Variants in SLC24A2 observed in about 807,000 individuals in gnomAD.
SLC24A2 encodes the protein sodium/potassium/calcium exchanger 2.
Under a neutral mutation model 62.0 loss-of-function variants are expected in SLC24A2, and 36 were observed. That is an observed-to-expected ratio of 0.58 (90% CI 0.44 to 0.77). The LOEUF (loss-of-function observed/expected upper bound fraction) is 0.77. SLC24A2 is among the 30% of genes least tolerant of loss of function. The pLI, the probability that SLC24A2 is intolerant of heterozygous loss-of-function variation, is 0.00. For missense variants in SLC24A2, 846 were observed against 817.9 expected, an observed-to-expected ratio of 1.03 and a Z score of -0.42; for synonymous variants, 358 against 294.0, an observed-to-expected ratio of 1.22 and a Z score of -2.23.
chr9:20,103,865 T>C, the SLC24A2 span, among the ~76,000 whole-genome samples: 16,497 of 151,286 alleles, frequency 0.11, 946 homozygotes, highest in Middle Eastern at 0.17. Context: ...CTTTGACGAG[T>C]TGAGAGAAGA....
chr9:19,944,435 T>A, the SLC24A2 span, among the ~76,000 whole-genome samples: 1 of 109,574 alleles, frequency 9.1e-6, no homozygotes. Flanking sequence ...AGAATAAAAG[T>A]AGTAGTAAAA....
intron 5 of SLC24A2, among the ~76,000 whole-genome samples, chr9:19,589,473 C>A (rs1237243783): frequency 6.6e-6 from 1 of 152,094 alleles, no homozygotes; most frequent in Non-Finnish European, 1.5e-5. Flanking sequence ...TGCTTTTTTA[C>A]TTATGTGTGC....
At chr9:20,214,199 A>C in the SLC24A2 span, among the ~76,000 whole-genome samples, 12 of 152,304 alleles carry the variant, frequency 7.9e-5, no homozygotes, top group African/African-American at 2.4e-4. Flanking sequence ...TGGCATCGTG[A>C]GGCGATAGGA....
At chr9:19,875,092 A>C in the SLC24A2 span, among the ~76,000 whole-genome samples, 10 of 152,034 alleles carry the variant, frequency 6.6e-5, no homozygotes, top group Admixed American at 2.0e-4. Flanking sequence ...CCTTCAATGG[A>C]AAGTTTACTC....
chr9:19,858,280 G>T, the SLC24A2 span, among the ~76,000 whole-genome samples: 2 of 152,128 alleles, frequency 1.3e-5, no homozygotes, highest in Non-Finnish European at 2.9e-5. Context: ...AACAAATGGT[G>T]CTGGAATAAT....
the SLC24A2 span, among the ~76,000 whole-genome samples, chr9:20,164,046 C>T: frequency 3.9e-5 from 6 of 152,260 alleles, no homozygotes; most frequent in Middle Eastern, 3.4e-3. Context: ...AAAACCTAGG[C>T]ATTACCATTC....
At chr9:20,164,072 G>T in the SLC24A2 span, among the ~76,000 whole-genome samples, 1 of 152,098 alleles carries the variant, frequency 6.6e-6, no homozygotes, top group Non-Finnish European at 1.5e-5. Context: ...ATAGGCATGG[G>T]CAAGGACTTC....
intron 2 of SLC24A2, among the ~76,000 whole-genome samples, chr9:19,696,083 A>G (rs1461905190): frequency 6.6e-6 from 1 of 152,126 alleles, no homozygotes; most frequent in Non-Finnish European, 1.5e-5. Flanking sequence ...CTGTCAGATC[A>G]GTGGTGGCAT....
chr9:19,699,220 GA>G (rs1376914403), intron 2 of SLC24A2, among the ~76,000 whole-genome samples: 1 of 152,132 alleles, frequency 6.6e-6, no homozygotes, highest in African/African-American at 2.4e-5. Flanking sequence ...ACTGCATGGG[GA>G]CAAGAACGGC....
At chr9:19,723,890 G>C (rs1038018434) in intron 2 of SLC24A2, among the ~76,000 whole-genome samples, 1 of 151,982 alleles carries the variant, frequency 6.6e-6, no homozygotes, top group Admixed American at 6.6e-5. Context: ...ACTAGATACT[G>C]AGTGCTGTAT....
the SLC24A2 span, among the ~76,000 whole-genome samples, chr9:20,196,653 G>A: frequency 6.6e-6 from 1 of 152,156 alleles, no homozygotes; most frequent in Non-Finnish European, 1.5e-5. Flanking sequence ...CACCACTTTA[G>A]TTTATAGTGC....
At chr9:20,201,645 C>G in the SLC24A2 span, among the ~76,000 whole-genome samples, 1 of 152,192 alleles carries the variant, frequency 6.6e-6, no homozygotes, top group African/African-American at 2.4e-5. Context: ...TGCCTCATTC[C>G]ACAAAGAGTC....
intron 2 of SLC24A2, among the ~76,000 whole-genome samples, chr9:19,701,345 A>G (rs1587177495): frequency 1.3e-5 from 2 of 152,208 alleles, no homozygotes; most frequent in Non-Finnish European, 2.9e-5. Context: ...TCTAACTGCC[A>G]GCGTCTACCC....
intron 10 of SLC24A2, among the ~76,000 whole-genome samples, chr9:19,517,959 T>TCACA (rs1209571410): frequency 4.5e-5 from 6 of 132,716 alleles, no homozygotes; most frequent in Admixed American, 1.5e-4. Context: ...ACACACACAC[T>TCACA]CTCACACTTC....
chr9:19,860,824 A>C, the SLC24A2 span, among the ~76,000 whole-genome samples: 8 of 152,192 alleles, frequency 5.3e-5, no homozygotes, highest in East Asian at 3.9e-4. Flanking sequence ...CGTGGGCCCG[A>C]GGTGGCAGTG....
the SLC24A2 span, among the ~76,000 whole-genome samples, chr9:20,276,403 C>A: frequency 5.3e-5 from 8 of 152,250 alleles, no homozygotes; most frequent in Non-Finnish European, 7.3e-5. Context: ...CTTGGTCACG[C>A]TGATGCAAGA....
At chr9:19,874,876 G>A in the SLC24A2 span, among the ~76,000 whole-genome samples, 2 of 151,560 alleles carry the variant, frequency 1.3e-5, no homozygotes, top group African/African-American at 4.8e-5. Context: ...TTAAATTTCT[G>A]CCTACAATGA....
At chr9:19,930,790 C>T in the SLC24A2 span, among the ~76,000 whole-genome samples, 1 of 152,180 alleles carries the variant, frequency 6.6e-6, no homozygotes, top group Non-Finnish European at 1.5e-5. Flanking sequence ...AACAGGGTGC[C>T]AGAGACTTGC....
the SLC24A2 span, among the ~76,000 whole-genome samples, chr9:20,137,034 C>G: frequency 6.6e-6 from 1 of 152,108 alleles, no homozygotes; most frequent in South Asian, 2.1e-4. Context: ...GGAGGCACAT[C>G]TCACACAAGG....
Sources: gnomAD v4.1 joint callset for allele counts (sites outside exome capture counted in the v4.1 genomes callset) on GRCh38, gnomAD v4.1.1 for gene constraint, MANE v1.5 for transcripts, NCBI Gene and HGNC (gene_info 2026-07-23, HGNC 2026-07-21) for gene names.